Variants in OAS1 observed in about 807,000 individuals in gnomAD.
The protein encoded by OAS1 is 2'-5'-oligoadenylate synthetase 1.
In OAS1, 24 loss-of-function variants were observed where a neutral mutation model predicts 38.5. The ratio of observed to expected loss-of-function variants is 0.62; its 90% confidence interval spans 0.45 to 0.88. The LOEUF is 0.88. Among genes scored for constraint, OAS1 ranks in the 40% least tolerant of loss-of-function variants. The pLI is 0.00. For synonymous variants in OAS1, 169 were observed against 193.9 expected, an observed-to-expected ratio of 0.87 and a Z score of 1.07; for missense variants, 482 against 493.9, an observed-to-expected ratio of 0.98 and a Z score of 0.23.
chr12:112,917,654 G>T lies in OAS1; in HGVS notation c.992G>T (p.Cys331Phe). 6.2e-7 allele frequency: 1 copy of T among 1,614,202 alleles called. No homozygotes were observed. The highest frequency in any genetic ancestry group is 8.5e-7 in the Non-Finnish European group (1 of 1,180,046). ...GCTGAGGCCTGGCTGAATTACCCAT[G>T]CTTTAAGAATTGGGATGGGTCCCCA... ...QEAEAWLNYPCFKNWDGSPVS... is the reference protein window; with the variant it reads ...QEAEAWLNYPFFKNWDGSPVS... The change falls in exon 5 of 6, where the codon TGC (cysteine) becomes TTC (phenylalanine). Residue 331 changes from cysteine (C) to phenylalanine (F), a missense_variant. Transcript: ENST00000202917.
downstream of OAS1, among the ~76,000 whole-genome samples, chr12:112,923,087 T>G (rs533915479): frequency 2.6e-5 from 4 of 152,330 alleles, no homozygotes; most frequent in Non-Finnish European, 5.9e-5. Flanking sequence ...CTGTATACAT[T>G]AACTGTGTGC....
At chr12:112,928,945 TC>T (rs2043579571) in intron 6 of OAS1, among the ~76,000 whole-genome samples, 1 of 152,156 alleles carries the variant, frequency 6.6e-6, no homozygotes, top group Non-Finnish European at 1.5e-5. Context: ...TCTACAGCAA[TC>T]CCAGGCCTGG....
At chr12:112,912,555 T>C (rs1229396861) in intron 3 of OAS1, among the ~76,000 whole-genome samples, 1 of 152,194 alleles carries the variant, frequency 6.6e-6, no homozygotes, top group Non-Finnish European at 1.5e-5. Context: ...GTTCTATGAA[T>C]TGTAATCATG....
At chr12:112,914,618 T>G (rs2043428672) in intron 3 of OAS1, among the ~76,000 whole-genome samples, 1 of 152,178 alleles carries the variant, frequency 6.6e-6, no homozygotes, top group Admixed American at 6.5e-5. Context: ...TTGTTTGATT[T>G]TTTATTATGA....
intron 5 of OAS1, chr12:112,918,632 T>C (rs2043496013): frequency 1.1e-5 from 5 of 455,724 alleles, no homozygotes; most frequent in Non-Finnish European, 2.2e-5. Context: ...GGTCACTTGC[T>C]CAAGGACATC....
At chr12:112,913,582 C>T (rs1433292198) in intron 3 of OAS1, among the ~76,000 whole-genome samples, 1 of 152,090 alleles carries the variant, frequency 6.6e-6, no homozygotes, top group African/African-American at 2.4e-5. Context: ...ATAGTTCCTT[C>T]TAATCTACCT....
chr12:112,921,671 C>CT (rs2043529977), downstream of OAS1, among the ~76,000 whole-genome samples: 1 of 152,212 alleles, frequency 6.6e-6, no homozygotes, highest in Non-Finnish European at 1.5e-5. Context: ...ACCATGGGGT[C>CT]TGCCAGGCTG....
rs1474148462 is a variant in OAS1, at chr12:112,919,458, A to G, written c.1108A>G (p.Thr370Ala). 6 of 1,614,172 alleles carry G rather than the reference A, an allele frequency of 3.7e-6. No homozygotes were observed. The highest frequency in any genetic ancestry group is 5.1e-6 in the Non-Finnish European group (6 of 1,180,006). ...RRYQKYGYIG[T>A]HEYPHFSHRP... ...GTATCAGAAATATGGTTACATTGGAACACATGAGTACCCTCATTTCTCTCA... is the reference window on the plus strand; with the variant it reads ...GTATCAGAAATATGGTTACATTGGAGCACATGAGTACCCTCATTTCTCTCA... Residue 370 changes from threonine (T) to alanine (A), a missense_variant, in exon 6 of 6, where the codon ACA (threonine) becomes GCA (alanine). Physicochemically the swap from Thr to Ala is moderately conservative, Grantham distance 58. Transcript: ENST00000202917.
intron 5 of OAS1, chr12:112,919,157 C>T (rs1196932763): frequency 8.1e-6 from 4 of 490,820 alleles, no homozygotes; most frequent in African/African-American, 1.9e-5. Context: ...GCTTGGGCAC[C>T]TTGGGAAAGG....
At chr12:112,924,073 A>G (rs1395549689), downstream of OAS1, among the ~76,000 whole-genome samples, 1 of 152,234 alleles carries the variant, frequency 6.6e-6, no homozygotes, top group African/African-American at 2.4e-5. Context: ...CATGTGAGGA[A>G]GGGGTTCAGT....
downstream of OAS1, among the ~76,000 whole-genome samples, chr12:112,922,057 T>A (rs1378418341): frequency 6.6e-6 from 1 of 152,204 alleles, no homozygotes; most frequent in East Asian, 1.9e-4. Context: ...CCTACTCTGA[T>A]GGGGACAGAA....
Position 112,917,588 on chromosome 12 carries a change from G to A in OAS1, c.926G>A (p.Gly309Asp), listed in dbSNP as rs527675104. 119 of 1,614,196 alleles carry A rather than the reference G, an allele frequency of 7.4e-5. 1 individual carries two copies. The South Asian group carries it at 1.2e-3, about 17-fold the overall frequency. The change falls in exon 5 of 6, where the codon GGT (glycine) becomes GAT (aspartate). Residue 309 changes from glycine (G) to aspartate (D), a missense_variant. Physicochemically the swap from Gly to Asp is moderately conservative, Grantham distance 94. Coordinates refer to ENST00000202917, the MANE Select transcript of OAS1 (RefSeq NM_016816.4). ...LDPADPTGNL[G>D]GGDPKGWRQL... ...CCGGCGGACCCTACAGGAAACTTGG[G>A]TGGTGGAGACCCAAAGGGTTGGAGG... is the stretch of plus-strand genomic sequence containing the variant.
chr12:112,926,171 A>G (rs1408763880), intron 6 of OAS1, among the ~76,000 whole-genome samples: 2 of 152,154 alleles, frequency 1.3e-5, no homozygotes, highest in African/African-American at 4.8e-5. Context: ...GTGGGGGGTA[A>G]TGGCCAGGTC....
chr12:112,928,892 G>A (rs967672830), intron 6 of OAS1, among the ~76,000 whole-genome samples: 2 of 152,238 alleles, frequency 1.3e-5, no homozygotes. Context: ...GCTAGAAGTG[G>A]CGCTTTCTCT....
intron 3 of OAS1, among the ~76,000 whole-genome samples, chr12:112,912,850 A>G (rs1275872051): frequency 6.6e-6 from 1 of 152,196 alleles, no homozygotes; most frequent in East Asian, 1.9e-4. Context: ...CACCATCATC[A>G]CCACCTCCAA....
In OAS1 at chr12:112,916,440, C is replaced by T; in HGVS notation, c.655-69C>T. On this transcript the variant is annotated intron_variant, in intron 3 of 5. Coordinates refer to ENST00000202917, the MANE Select transcript of OAS1 (RefSeq NM_016816.4). ...AACAGGTGGCAGGCTGGATTTGGCC[C>T]ATGAGAAGTGTAGTTTACACAAAAG... 10 of 1,194,202 alleles carry T rather than the reference C, an allele frequency of 8.4e-6. No individual in the cohort carries two copies. In the South Asian group the frequency reaches 1.3e-4, roughly 15 times the overall value. The allele number at this position is 1,194,202 out of a possible 1,614,324, so 74.0% of individuals were successfully genotyped here.
At chr12:112,927,749 A>G (rs905692095) in intron 6 of OAS1, among the ~76,000 whole-genome samples, 1 of 152,214 alleles carries the variant, frequency 6.6e-6, no homozygotes, top group Non-Finnish European at 1.5e-5. Context: ...TCAAGCAAGA[A>G]TGACCAGATT....
chr12:112,930,911 A>C (rs55719971), intron 6 of OAS1, among the ~76,000 whole-genome samples: 5,763 of 151,614 alleles, frequency 0.038, 316 homozygotes, highest in African/African-American at 0.12. Context: ...TCTAACACAC[A>C]CTCTCCTTGG....
chr12:112,908,497 T>C (rs1216865958), intron 1 of OAS1, 39 bp from the exon 2 acceptor site: 1 of 1,578,972 alleles, frequency 6.3e-7, no homozygotes, highest in Non-Finnish European at 8.6e-7. Flanking sequence ...GAGGTTTGCC[T>C]CACTAAGCAT....
Sources: gnomAD v4.1 joint callset for allele counts (sites outside exome capture counted in the v4.1 genomes callset) on GRCh38, gnomAD v4.1.1 for gene constraint, MANE v1.5 for transcripts, NCBI Gene and HGNC (gene_info 2026-07-23, HGNC 2026-07-21) for gene names.